Variants in SAMD5 observed in about 807,000 individuals in gnomAD.
SAMD5 encodes the protein sterile alpha motif domain containing 5.
SAMD5 carries 13 observed loss-of-function variants against 11.3 expected under a neutral mutation model. The observed-to-expected ratio is 1.15, with a 90% CI of 0.75 to 1.83. The LOEUF is 1.83. Ranked by LOEUF, SAMD5 falls within the 40% of genes most tolerant of loss-of-function variation. SAMD5 has a pLI of 0.00. For synonymous variants in SAMD5, 129 were observed against 111.3 expected (o/e 1.16, Z -1.00); for missense variants, 255 against 239.1 (o/e 1.07, Z -0.44).
At chr6:147,931,404 C>T in the SAMD5 span, among the ~76,000 whole-genome samples, 9 of 152,098 alleles carry the variant, frequency 5.9e-5, no homozygotes, top group African/African-American at 2.2e-4. Context: ...ATTAAAATGC[C>T]CTCATTTTTC....
intron 1 of SAMD5, among the ~76,000 whole-genome samples, chr6:147,581,498 T>C (rs541081154): frequency 2.6e-5 from 4 of 151,792 alleles, no homozygotes; most frequent in South Asian, 2.1e-4. Context: ...AGCACCAACA[T>C]TGAAGTGATG....
the SAMD5 span, among the ~76,000 whole-genome samples, chr6:147,931,747 T>A: frequency 2.6e-5 from 4 of 152,222 alleles, no homozygotes; most frequent in African/African-American, 9.6e-5. Context: ...ACATTCTTCT[T>A]TGAATTACAA....
At chr6:147,837,361 T>A in the SAMD5 span, among the ~76,000 whole-genome samples, 1 of 152,324 alleles carries the variant, frequency 6.6e-6, no homozygotes, top group South Asian at 2.1e-4. Flanking sequence ...GTTATCTAAA[T>A]GGTTCAAATA....
chr6:147,622,714 A>G (rs529718994), intron 1 of SAMD5, among the ~76,000 whole-genome samples: 1 of 152,172 alleles, frequency 6.6e-6, no homozygotes, highest in African/African-American at 2.4e-5. Flanking sequence ...CAGGAGACTG[A>G]CTCAAAATGT....
the SAMD5 span, among the ~76,000 whole-genome samples, chr6:147,870,002 A>C: frequency 6.6e-6 from 1 of 152,170 alleles, no homozygotes; most frequent in Non-Finnish European, 1.5e-5. Context: ...GATGTGAGCC[A>C]CCACGCCCGG....
chr6:147,730,249 A>C, intron 1 of SAMD5: 1 of 365,198 alleles, frequency 2.7e-6, no homozygotes, highest in Non-Finnish European at 5.3e-6. Context: ...CAAAGATATG[A>C]AATTCCCTGA....
chr6:147,800,066 G>T, the SAMD5 span, among the ~76,000 whole-genome samples: 2 of 152,150 alleles, frequency 1.3e-5, no homozygotes, highest in Admixed American at 1.3e-4. Context: ...TCTTCTCTCA[G>T]CTCGTCAAAG....
At chr6:147,782,629 A>G in the SAMD5 span, among the ~76,000 whole-genome samples, 2,729 of 152,286 alleles carry the variant, frequency 0.018, 73 homozygotes, top group African/African-American at 0.062. Context: ...AGCACTGGCG[A>G]TTAAAAGGAT....
intron 1 of SAMD5, among the ~76,000 whole-genome samples, chr6:147,523,968 A>G (rs1788295292): frequency 1.3e-5 from 2 of 152,194 alleles, no homozygotes; most frequent in African/African-American, 4.8e-5. Context: ...GAGTTGAGCC[A>G]GGGGTATGCA....
chr6:147,774,968 A>G, the SAMD5 span, among the ~76,000 whole-genome samples: 1 of 152,242 alleles, frequency 6.6e-6, no homozygotes, highest in South Asian at 2.1e-4. Flanking sequence ...TAAAGCCTTG[A>G]GATTATGGAA....
chr6:147,568,569 A>G lies in SAMD5; in HGVS notation c.*4113A>G, dbSNP rs1042743847. On this transcript the variant is annotated 3_prime_UTR_variant, in exon 2 of 2. Coordinates refer to ENST00000367474, the MANE Select transcript of SAMD5 (RefSeq NM_001030060.3). ...TACATTGCCAATTCTCAGACCAAGT[A>G]CAAAGTATTAGGAATTTTTTATATC... The G allele has an allele frequency of 1.2e-5, 12 of 985,424 alleles. No individual in the cohort carries two copies. Among genetic ancestry groups the G allele is most frequent in the Non-Finnish European group, 1.3e-5 (11 of 829,920 alleles). 61.0% of individuals were successfully genotyped at this position (985,424 alleles called of 1,614,324 possible). A position where few individuals can be genotyped will look rare whatever the true frequency, so the allele number is the denominator to read the frequency against.
the SAMD5 span, among the ~76,000 whole-genome samples, chr6:147,929,525 A>G: frequency 6.6e-6 from 1 of 152,236 alleles, no homozygotes; most frequent in Non-Finnish European, 1.5e-5. Flanking sequence ...TTTAAAAACC[A>G]AACTAAAACT....
At chr6:147,670,940 G>A (rs983916971) in intron 1 of SAMD5, among the ~76,000 whole-genome samples, 1 of 152,138 alleles carries the variant, frequency 6.6e-6, no homozygotes, top group African/African-American at 2.4e-5. Context: ...GCCCATCTTG[G>A]CTTTTGACAT....
chr6:147,536,052 C>A (rs906545686), intron 1 of SAMD5, among the ~76,000 whole-genome samples: 3 of 151,666 alleles, frequency 2.0e-5, no homozygotes, highest in African/African-American at 7.3e-5. Context: ...GGCACGATCT[C>A]GACTCACTGC....
At chr6:147,728,835 A>G (rs1791666546) in intron 1 of SAMD5, among the ~76,000 whole-genome samples, 1 of 152,150 alleles carries the variant, frequency 6.6e-6, no homozygotes, top group Admixed American at 6.5e-5. Context: ...GTTACAAAGT[A>G]TTAGCTTTAT....
the SAMD5 span, among the ~76,000 whole-genome samples, chr6:147,750,976 C>T: frequency 6.6e-6 from 1 of 152,112 alleles, no homozygotes; most frequent in Non-Finnish European, 1.5e-5. Context: ...CACACCCAGC[C>T]CTAGATTATG....
chr6:147,652,664 A>G (rs1023138093), intron 1 of SAMD5, among the ~76,000 whole-genome samples: 16 of 152,116 alleles, frequency 1.1e-4, no homozygotes, highest in African/African-American at 3.6e-4. Context: ...TGTCACAAGT[A>G]TTGGGCTAGA....
chr6:147,796,842 G>A, the SAMD5 span, among the ~76,000 whole-genome samples: 2 of 150,372 alleles, frequency 1.3e-5, no homozygotes, highest in Non-Finnish European at 2.9e-5. Flanking sequence ...GTGAATGGGA[G>A]TTCACTCATG....
intron 1 of SAMD5, among the ~76,000 whole-genome samples, chr6:147,516,215 G>A (rs1041450420): frequency 6.6e-6 from 1 of 152,210 alleles, no homozygotes; most frequent in African/African-American, 2.4e-5. Context: ...GTCCTCAAGA[G>A]CAATGTGCTG....
Sources: gnomAD v4.1 joint callset for allele counts (sites outside exome capture counted in the v4.1 genomes callset) on GRCh38, gnomAD v4.1.1 for gene constraint, MANE v1.5 for transcripts, NCBI Gene and HGNC (gene_info 2026-07-23, HGNC 2026-07-21) for gene names.